Variants in TSPAN5 observed in about 807,000 individuals in gnomAD.
The protein encoded by TSPAN5 is tetraspanin-5.
TSPAN5 carries 10 observed loss-of-function variants against 37.1 expected under a neutral mutation model. The ratio of observed to expected loss-of-function variants is 0.27; its 90% confidence interval spans 0.17 to 0.46. The LOEUF is 0.46. TSPAN5 is among the 20% of genes least tolerant of loss of function. TSPAN5 has a pLI of 1.00. For synonymous variants in TSPAN5, 110 were observed against 118.9 expected, an observed-to-expected ratio of 0.93 and a Z score of 0.48; for missense variants, 195 against 326.6, an observed-to-expected ratio of 0.60 and a Z score of 3.11.
chr4:98,591,333 A>C (rs1409208820), intron 1 of TSPAN5, among the ~76,000 whole-genome samples: 1 of 135,976 alleles, frequency 7.4e-6, no homozygotes, highest in Non-Finnish European at 1.5e-5. Flanking sequence ...AAATTTAACA[A>C]AGTACATGCA....
intron 2 of TSPAN5, among the ~76,000 whole-genome samples, chr4:98,506,359 C>T (rs1292635247): frequency 6.6e-6 from 1 of 152,164 alleles, no homozygotes; most frequent in East Asian, 1.9e-4. Flanking sequence ...AATTTGTCTC[C>T]CCTCATACAT....
chr4:98,472,668 C>T, intron 7 of TSPAN5, 81 bp from the exon 8 acceptor site: 1 of 1,256,230 alleles, frequency 8.0e-7, no homozygotes, highest in East Asian at 2.4e-5. Context: ...TTTTTTAAAT[C>T]ATTGATTTTT....
chr4:98,542,800 A>G (rs1754389889), intron 1 of TSPAN5, among the ~76,000 whole-genome samples: 1 of 152,100 alleles, frequency 6.6e-6, no homozygotes, highest in Non-Finnish European at 1.5e-5. Context: ...TGACGGAGAC[A>G]ACTGCATAAC....
At chr4:98,533,414 T>G (rs1454131762) in intron 1 of TSPAN5, among the ~76,000 whole-genome samples, 1 of 151,936 alleles carries the variant, frequency 6.6e-6, no homozygotes, top group Admixed American at 6.6e-5. Context: ...TTTAGACTTG[T>G]GGGGGGTGTT....
chr4:98,571,140 T>C (rs1755108768), intron 1 of TSPAN5, among the ~76,000 whole-genome samples: 1 of 152,170 alleles, frequency 6.6e-6, no homozygotes, highest in Non-Finnish European at 1.5e-5. Flanking sequence ...AATCAAAGGC[T>C]TATTATAAAA....
At chr4:98,565,747 C>G (rs1754991245) in intron 1 of TSPAN5, among the ~76,000 whole-genome samples, 1 of 152,134 alleles carries the variant, frequency 6.6e-6, no homozygotes, top group Admixed American at 6.5e-5. Context: ...ATAAGTAGAT[C>G]ACAGCTGCCA....
chr4:98,499,902 T>A (rs984396955), intron 2 of TSPAN5, among the ~76,000 whole-genome samples: 1 of 152,002 alleles, frequency 6.6e-6, no homozygotes, highest in South Asian at 2.1e-4. Context: ...CCTCGTGATC[T>A]GCTCGCCTCG....
intron 1 of TSPAN5, among the ~76,000 whole-genome samples, chr4:98,632,585 T>C (rs966973751): frequency 1.3e-5 from 2 of 152,168 alleles, no homozygotes; most frequent in African/African-American, 4.8e-5. Flanking sequence ...AACCCTGCCC[T>C]GAGTGTGGGT....
chr4:98,502,299 T>C lies in TSPAN5; in HGVS notation c.132+5379A>G, dbSNP rs147180536. The stretch of plus-strand genomic sequence containing the variant: ...TCATTTGGAAGTCATCAGTGACAGA[T>C]GGCATGTAAAGCCCCAAGTCTAGAT... On this transcript the variant is annotated intron_variant, in intron 2 of 7. Coordinates refer to ENST00000305798, the MANE Select transcript of TSPAN5 (RefSeq NM_005723.4). Among the ~76,000 whole-genome samples the C allele has an allele frequency of 3.0e-3, 458 of 152,284 alleles. 2 individuals carry two copies. The highest frequency in any genetic ancestry group is 9.8e-3 in the African/African-American group (408 of 41,558).
At chr4:98,626,898 T>TC (rs1353366251) in intron 1 of TSPAN5, among the ~76,000 whole-genome samples, 1 of 150,356 alleles carries the variant, frequency 6.7e-6, no homozygotes, top group African/African-American at 2.4e-5. Context: ...TTTTTTTTTT[T>TC]TTTTTTTTTT....
At chr4:98,476,159 T>C (rs375138403) in intron 7 of TSPAN5, 30 bp downstream of exon 7, 16 of 1,541,304 alleles carry the variant, frequency 1.0e-5, no homozygotes, top group Middle Eastern at 1.7e-4. Flanking sequence ...ATTATTTCCC[T>C]GTGATATCCA....
At chr4:98,492,610 G>A (rs1753109159) in intron 2 of TSPAN5, among the ~76,000 whole-genome samples, 1 of 152,128 alleles carries the variant, frequency 6.6e-6, no homozygotes. Flanking sequence ...GTCGAAGCTG[G>A]GAAAAAATGT....
At chr4:98,492,916 C>T (rs563370546) in intron 2 of TSPAN5, among the ~76,000 whole-genome samples, 18 of 152,002 alleles carry the variant, frequency 1.2e-4, no homozygotes, top group African/African-American at 4.4e-4. Flanking sequence ...ACCTCAAACA[C>T]GGAAAAAAAT....
At chr4:98,575,261 G>A (rs999440329) in intron 1 of TSPAN5, among the ~76,000 whole-genome samples, 3 of 151,828 alleles carry the variant, frequency 2.0e-5, no homozygotes, top group Non-Finnish European at 4.4e-5. Context: ...AGAGATAATC[G>A]CTACTCACAC....
At position 98,489,410 on chromosome 4, in the gene TSPAN5, G is replaced by T. The variant is rs368214492; in HGVS notation, c.133-2526C>A. Among the ~76,000 whole-genome samples, 62 of 152,180 alleles carry T rather than the reference G, an allele frequency of 4.1e-4. 1 individual carries two copies. The highest frequency in any genetic ancestry group is 1.9e-3 in the East Asian group (10 of 5,194). ...TCATATATCGCCTGAGAGCACAGGG[G>T]GAGGGACAATGATCGAGATATAAAC... is the stretch of plus-strand genomic sequence containing the variant. On this transcript the variant is annotated intron_variant, in intron 2 of 7. Coordinates refer to ENST00000305798, the MANE Select transcript of TSPAN5 (RefSeq NM_005723.4).
chr4:98,559,751 T>A (rs534294438), intron 1 of TSPAN5, among the ~76,000 whole-genome samples: 1 of 152,196 alleles, frequency 6.6e-6, no homozygotes, highest in Non-Finnish European at 1.5e-5. Context: ...AGTCTCAACA[T>A]CCAGGTGCTC....
chr4:98,626,241 T>C (rs552802216), intron 1 of TSPAN5, among the ~76,000 whole-genome samples: 5 of 152,246 alleles, frequency 3.3e-5, no homozygotes, highest in African/African-American at 1.2e-4. Context: ...ATCTTATGTA[T>C]TCTAAAGGTT....
At position 98,658,200 on chromosome 4, in the gene TSPAN5, A is replaced by G. The variant is rs1222575861; in HGVS notation, c.27T>C (p.Pro9=). ...AGTATTTGATGCAACAACTGACTTC[A>G]GGACCCTTGTAGTGCTTCCCGGACA... MSGKHYKG[P]EVSCCIKYFI... is the part of the protein sequence containing the mutation. The change falls in exon 1 of 8, where the codon CCT becomes CCC. Residue 9 remains proline (P), a synonymous_variant. Transcript: ENST00000305798. 1.2e-5 allele frequency: 20 copies of G among 1,614,180 alleles called. No individual in the cohort carries two copies. Among genetic ancestry groups the G allele is most frequent in the Middle Eastern group, 1.6e-4 (1 of 6,062 alleles).
chr4:98,494,314 T>C (rs1459278778), intron 2 of TSPAN5, among the ~76,000 whole-genome samples: 1 of 151,660 alleles, frequency 6.6e-6, no homozygotes, highest in Non-Finnish European at 1.5e-5. Context: ...TCCAAGTAAA[T>C]CCAAAACTCA....
Sources: gnomAD v4.1 joint callset for allele counts (sites outside exome capture counted in the v4.1 genomes callset) on GRCh38, gnomAD v4.1.1 for gene constraint, MANE v1.5 for transcripts, NCBI Gene and HGNC (gene_info 2026-07-23, HGNC 2026-07-21) for gene names.